The following KLHL33 variants were observed in gnomAD, a reference collection of about 807,000 sequenced individuals.
KLHL33 encodes kelch like family member 33.
KLHL33 carries 46 observed loss-of-function variants against 60.8 expected under a neutral mutation model. That is an observed-to-expected ratio of 0.76 (90% CI 0.60 to 0.97). The LOEUF is 0.97. Ranked by LOEUF, KLHL33 falls within the 50% of genes least tolerant of loss-of-function variation. KLHL33 has a pLI of 0.00. For missense variants in KLHL33, 1,055 were observed against 1,000.0 expected, an observed-to-expected ratio of 1.05 and a Z score of -0.74; for synonymous variants, 434 against 432.2, an observed-to-expected ratio of 1.00 and a Z score of -0.05.
chr14:20,431,721 A>G (rs1389967172), intron 2 of KLHL33, among the ~76,000 whole-genome samples: 1 of 152,228 alleles, frequency 6.6e-6, no homozygotes, highest in Non-Finnish European at 1.5e-5. Flanking sequence ...GCGAGACTCC[A>G]TCTCAAAATA....
At chr14:20,436,050 G>A (rs1002992148) in intron 1 of KLHL33, 49 bp downstream of exon 1, 4 of 359,052 alleles carry the variant, frequency 1.1e-5, no homozygotes, top group African/African-American at 4.2e-5. Flanking sequence ...GTAAAGATCC[G>A]GTAACCGGGA....
rs7145318 is a variant in KLHL33, at chr14:20,428,905, C to T, written c.2338G>A (p.Ala780Thr). ...GGAACCAAAGCTATGTGCTGCACAG[C>T]GGGCAGTGTCAGGATGCAGGCAGGC... ...EMPACILTLP[A>T]VQHIALVPTP... Residue 780 changes from alanine (A) to threonine (T), a missense_variant, in exon 5 of 5, where the codon GCT (alanine) becomes ACT (threonine). Physicochemically the swap from Ala to Thr is moderately conservative, Grantham distance 58. Coordinates refer to ENST00000636854, the MANE Select transcript of KLHL33 (RefSeq NM_001365790.2). 0.59 allele frequency: 915,708 copies of T among 1,551,436 alleles called. 272,074 individuals are homozygous for T. The highest frequency in any genetic ancestry group is 0.72 in the African/African-American group (52,848 of 73,106).
rs1880677503 is a variant in KLHL33 at position 20,435,785 on chromosome 14, A to T, written c.27T>A (p.Tyr9Ter). The T allele has an allele frequency of 8.1e-7, 1 of 1,234,490 alleles. No homozygotes were observed. The highest frequency in any genetic ancestry group is 1.0e-6 in the Non-Finnish European group (1 of 988,386). The allele number at this position is 1,234,490 out of a possible 1,614,324, so 76.5% of individuals were successfully genotyped here. The change falls in exon 2 of 5, where the codon TAT becomes TAA. Residue 9 changes from tyrosine (Y) to a stop codon, truncating the protein, a stop_gained. Transcript: ENST00000636854. LOFTEE classifies it high-confidence loss of function. ...GAGAGACACTCTCCAGCTCAGGGGGATAATGTGGGGTGTCCGAGACGCTCA... is the reference window on the plus strand; with the variant it reads ...GAGAGACACTCTCCAGCTCAGGGGGTTAATGTGGGGTGTCCGAGACGCTCA... MSVSDTPH[Y>*]PPELESVSHP...
rs778883481 is a variant in KLHL33 at position 20,427,361 on chromosome 14, C to G, written c.*1488G>C. The stretch of plus-strand genomic sequence containing the variant: ...GGAATACACAATCATTAAGTGAAAG[C>G]CATTATCCTCAGGAAGGCTCCAGAG... On this transcript the variant is annotated 3_prime_UTR_variant, in exon 5 of 5. Coordinates refer to ENST00000636854, the MANE Select transcript of KLHL33 (RefSeq NM_001365790.2). 3 of 152,006 alleles carry G rather than the reference C, an allele frequency of 2.0e-5. No homozygotes were observed. The highest frequency in any genetic ancestry group is 4.4e-5 in the Non-Finnish European group (3 of 68,008). The allele number at this position is 152,006 out of a possible 1,614,324, so 9.4% of individuals were successfully genotyped here. A position where few individuals can be genotyped will look rare whatever the true frequency, so the allele number is the denominator to read the frequency against.
chr14:20,435,851 G>A lies in KLHL33; in HGVS notation c.-19-21C>T, dbSNP rs569706758. Reference sequence around the variant, plus strand: ...GATAGCTGCAGGTGAGCAGAGGCAAGACAGCCTGGCGTCAGAGCTGGGCCC... The same window carrying A: ...GATAGCTGCAGGTGAGCAGAGGCAAAACAGCCTGGCGTCAGAGCTGGGCCC... On this transcript the variant is annotated intron_variant, in intron 1 of 4. Transcript: ENST00000636854. 2.3e-5 allele frequency: 28 copies of A among 1,232,976 alleles called. No individual in the cohort carries two copies. The East Asian group carries it at 6.9e-4, about 31-fold the overall frequency. 76.4% of individuals were successfully genotyped at this position (1,232,976 alleles called of 1,614,324 possible).
At position 20,427,716 on chromosome 14, in the gene KLHL33, T is replaced by C. The variant is rs1008429622; in HGVS notation, c.*1133A>G. ...TGCTGGTCAGGAGCTCTCTGACCTCTGTATCTTGGTGCCTCCTACAGTGCC... is the reference window on the plus strand; with the variant it reads ...TGCTGGTCAGGAGCTCTCTGACCTCCGTATCTTGGTGCCTCCTACAGTGCC... On this transcript the variant is annotated 3_prime_UTR_variant, in exon 5 of 5. Transcript: ENST00000636854. 2.6e-5 allele frequency: 4 copies of C among 152,234 alleles called. No homozygotes were observed. The highest frequency in any genetic ancestry group is 5.9e-5 in the Non-Finnish European group (4 of 68,058). The allele number at this position is 152,234 out of a possible 1,614,324, so 9.4% of individuals were successfully genotyped here.
intron 2 of KLHL33, 87 bp downstream of exon 2, chr14:20,434,977 T>C (rs1880637928): frequency 1.6e-5 from 18 of 1,114,222 alleles, no homozygotes; most frequent in Non-Finnish European, 1.9e-5. Flanking sequence ...AAAACCATCA[T>C]GGTGGGGATA....
Position 20,435,794 on chromosome 14 carries a change from G to T in KLHL33, c.18C>A (p.Thr6=). 8.1e-7 allele frequency: 1 copy of T among 1,234,658 alleles called. No individual in the cohort carries two copies. Among genetic ancestry groups the T allele is most frequent in the Non-Finnish European group, 1.0e-6 (1 of 988,466 alleles). 76.5% of individuals were successfully genotyped at this position (1,234,658 alleles called of 1,614,324 possible). MSVSD[T]PHYPPELESV... ...TCTCCAGCTCAGGGGGATAATGTGG[G>T]GTGTCCGAGACGCTCATGCCGAGGT... The change falls in exon 2 of 5, where the codon ACC becomes ACA. Residue 6 remains threonine (T), a synonymous_variant. Coordinates refer to ENST00000636854, the MANE Select transcript of KLHL33 (RefSeq NM_001365790.2).
In KLHL33 at chr14:20,427,073, A is replaced by G. The variant is rs1880305745; in HGVS notation, c.*1776T>C. 6.6e-6 allele frequency: 1 copy of G among 150,590 alleles called. No individual in the cohort carries two copies. Among genetic ancestry groups the G allele is most frequent in the African/African-American group, 2.4e-5 (1 of 40,936 alleles). 9.3% of individuals were successfully genotyped at this position (150,590 alleles called of 1,614,324 possible). ...GGGGAAGGATAGCATTAGGAGATAT[A>G]CCTAATGCTAAATGACGAGTTAATG... On this transcript the variant is annotated 3_prime_UTR_variant, in exon 5 of 5. Transcript: ENST00000636854.
Position 20,430,146 on chromosome 14 carries a change from G to T in KLHL33, c.1322C>A (p.Ala441Glu). 2 of 1,551,570 alleles carry T rather than the reference G, an allele frequency of 1.3e-6. No homozygotes were observed. The highest frequency in any genetic ancestry group is 1.7e-6 in the Non-Finnish European group (2 of 1,147,008). ...GGTCAGGGGTGGAAGTAGCCCGGCT[G>T]CCCGCACCCTCCGCAACTCCCTGGT... ...MSTRELRRVRAAGLLPPLTPD... is the reference protein window; with the variant it reads ...MSTRELRRVREAGLLPPLTPD... Residue 441 changes from alanine to glutamate, a missense_variant, in exon 3 of 5, where the codon GCA (alanine) becomes GAA (glutamate). Physicochemically the swap from Ala to Glu is moderately radical, Grantham distance 107. Coordinates refer to ENST00000636854, the MANE Select transcript of KLHL33 (RefSeq NM_001365790.2).
Position 20,429,903 on chromosome 14 carries a change from G to T in KLHL33, c.1565C>A (p.Ala522Asp), listed in dbSNP as rs1156942528. 8.4e-6 allele frequency: 13 copies of T among 1,551,792 alleles called. No homozygotes were observed. The East Asian group carries it at 1.2e-4, about 15-fold the overall frequency. ...VEWGQLPALP[A>D]PGRFRHGAAS... Reference sequence around the variant, plus strand: ...AGCCCCATGCCGGAAGCGTCCGGGGGCAGGCAGGGCAGGCAGCTGCCCCCA... The same window carrying T: ...AGCCCCATGCCGGAAGCGTCCGGGGTCAGGCAGGGCAGGCAGCTGCCCCCA... Residue 522 changes from alanine (A) to aspartate (D), a missense_variant, in exon 3 of 5, where the codon GCC (alanine) becomes GAC (aspartate). Coordinates refer to ENST00000636854, the MANE Select transcript of KLHL33 (RefSeq NM_001365790.2).
chr14:20,432,926 A>AAAAGAAGAAAGAAAG (rs1555330503), intron 2 of KLHL33, among the ~76,000 whole-genome samples: 12 of 104,672 alleles, frequency 1.1e-4, no homozygotes, highest in African/African-American at 4.6e-4. Context: ...CATCTCAAAA[A>AAAAGAAGAAAGAAAG]AAAGAAAGAA....
chr14:20,429,176 C>T lies in KLHL33; in HGVS notation c.2067G>A (p.Gly689=). 1.9e-6 allele frequency: 3 copies of T among 1,551,686 alleles called. No individual in the cohort carries two copies. Among genetic ancestry groups the T allele is most frequent in the Non-Finnish European group, 2.6e-6 (3 of 1,146,978 alleles). ...TTAGCAGGTCCTCAGTCTCACCCAG[C>T]CCACCTGCCACATACAACCTCCCAC... ...ALGGRLYVAG[G]LGETEDLLSF... Residue 689 remains glycine, a synonymous_variant, in exon 5 of 5, where the codon GGG becomes GGA. Transcript: ENST00000636854.
In KLHL33 at chr14:20,435,813, C is replaced by A. The variant is rs539556236; in HGVS notation, c.-2G>T. 2.4e-6 allele frequency: 3 copies of A among 1,234,424 alleles called. No individual in the cohort carries two copies. The highest frequency in any genetic ancestry group is 4.1e-5 in the South Asian group (1 of 24,402). The allele number at this position is 1,234,424 out of a possible 1,614,324, so 76.5% of individuals were successfully genotyped here. ...ATGTGGGGTGTCCGAGACGCTCATG[C>A]CGAGGTTTGCTGGATAGCTGCAGGT... On this transcript the variant is annotated 5_prime_UTR_variant, in exon 2 of 5. Coordinates refer to ENST00000636854, the MANE Select transcript of KLHL33 (RefSeq NM_001365790.2).
In KLHL33 at chr14:20,435,065, C is replaced by T. The variant is rs912576093; in HGVS notation, c.747G>A (p.Ser249=). 6 of 1,234,312 alleles carry T rather than the reference C, an allele frequency of 4.9e-6. No homozygotes were observed. The highest frequency in any genetic ancestry group is 2.1e-4 in the Middle Eastern group (1 of 4,862). The allele number at this position is 1,234,312 out of a possible 1,614,324, so 76.5% of individuals were successfully genotyped here. ...LKLEAGGCQL[S]VHRAALACGS... is the part of the protein sequence containing the mutation. ...ATTTAATGCCCCACAGGCCCTCACC[C>T]GACAGCTGGCAGCCGCCTGCCTCCA... is the stretch of plus-strand genomic sequence containing the variant. The change falls in exon 2 of 5, where the codon TCG becomes TCA. Residue 249 remains serine (S), a splice_region_variant and synonymous_variant. Transcript: ENST00000636854.
rs1880669816 is a variant in KLHL33 at position 20,435,630 on chromosome 14, A to G, written c.182T>C (p.Val61Ala). The G allele has an allele frequency of 1.6e-6, 2 of 1,234,436 alleles. No homozygotes were observed. Among genetic ancestry groups the G allele is most frequent in the East Asian group, 6.3e-5 (2 of 31,688 alleles). 76.5% of individuals were successfully genotyped at this position (1,234,436 alleles called of 1,614,324 possible). The change falls in exon 2 of 5, where the codon GTC becomes GCC. Residue 61 changes from valine (V) to alanine (A), a missense_variant. Physicochemically the swap from Val to Ala is moderately conservative, Grantham distance 64. Transcript: ENST00000636854. Reference protein sequence around the residue: ...PLEEPGSRPLVPRNLPFPALS... With the variant: ...PLEEPGSRPLAPRNLPFPALS... ...GGCTGGAAAGGGAAGGTTCCTTGGG[A>G]CCAGGGGCCTGGAACCAGGCTCCTC...
intron 2 of KLHL33, among the ~76,000 whole-genome samples, chr14:20,433,463 G>A (rs1880587187): frequency 1.3e-5 from 2 of 152,164 alleles, no homozygotes; most frequent in South Asian, 2.1e-4. Context: ...TGCTTCCCAA[G>A]TAGTAAACAT....
rs2139265940 is a variant in KLHL33 at position 20,429,957 on chromosome 14, C to G, written c.1511G>C (p.Cys504Ser). 1 of 1,551,744 alleles carries G rather than the reference C, an allele frequency of 6.4e-7. No homozygotes were observed. Among genetic ancestry groups the G allele is most frequent in the Non-Finnish European group, 8.7e-7 (1 of 1,147,016 alleles). The change falls in exon 3 of 5, where the codon TGT becomes TCT. Residue 504 changes from cysteine to serine, a missense_variant. Cys to Ser is a moderately radical substitution (Grantham distance 112). Transcript: ENST00000636854. ...AACAGTTCGTACCAGTCCCACGCCA[C>G]AGCGGAAGGCCCGGGCCCACCACAC... ...RAVWWARAFR[C>S]GVGLVRTVEW...
intron 2 of KLHL33, among the ~76,000 whole-genome samples, chr14:20,434,347 C>T (rs1880615029): frequency 6.6e-6 from 1 of 152,012 alleles, no homozygotes; most frequent in Non-Finnish European, 1.5e-5. Context: ...ACAAGCCTGG[C>T]CAACCTGGTG....
Sources: allele counts gnomAD v4.1 joint callset (sites outside exome capture counted in the v4.1 genomes callset), GRCh38; gene constraint gnomAD v4.1.1; transcripts MANE v1.5; gene names NCBI Gene and HGNC (gene_info 2026-07-23, HGNC 2026-07-21).